Variants in QSER1 observed in about 807,000 individuals in gnomAD.
QSER1 encodes the protein glutamine and serine-rich protein 1.
A neutral mutation model predicts 158.5 loss-of-function variants in QSER1; 49 were observed. The ratio of observed to expected loss-of-function variants is 0.31; its 90% CI spans 0.25 to 0.39. QSER1 has a LOEUF of 0.39. QSER1 is among the 10% of genes least tolerant of loss of function. The pLI, the probability that QSER1 is intolerant of heterozygous loss-of-function variation, is 1.00. For synonymous variants in QSER1, 650 were observed against 715.5 expected (o/e 0.91, Z 1.46); for missense variants, 1,754 against 2,010.3 (o/e 0.87, Z 2.44).
At chr11:32,912,782 G>A (rs576073688) in intron 1 of QSER1, among the ~76,000 whole-genome samples, 6 of 152,120 alleles carry the variant, frequency 3.9e-5, no homozygotes, top group African/African-American at 1.2e-4. Context: ...ACATGGTGTC[G>A]CACGTCTTTG....
chr11:32,919,435 C>G (rs1028410000), intron 1 of QSER1, among the ~76,000 whole-genome samples: 8 of 152,180 alleles, frequency 5.3e-5, no homozygotes, highest in Admixed American at 5.2e-4. Flanking sequence ...GGATACCCCT[C>G]TTTTGGAATT....
chr11:32,920,159 G>T (rs1362390358), intron 1 of QSER1, among the ~76,000 whole-genome samples: 1 of 152,068 alleles, frequency 6.6e-6, no homozygotes, highest in Non-Finnish European at 1.5e-5. Flanking sequence ...ATTGCTTCTG[G>T]GCTCTGTCCG....
Position 32,978,379 on chromosome 11 carries a change from GT to G in QSER1, c.*1908del, listed in dbSNP as rs1853013115. 6.6e-6 allele frequency: 1 copy of G among 152,168 alleles called. No homozygotes were observed. Among genetic ancestry groups the G allele is most frequent in the South Asian group, 2.1e-4 (1 of 4,830 alleles). 9.4% of individuals were successfully genotyped at this position (152,168 alleles called of 1,614,324 possible). ...ACTCTGGACAGAATTGATGTCTTTC[GT>G]TTCCAAAGTGCAGAGTAGGGAACTA... On this transcript the variant is annotated 3_prime_UTR_variant, in exon 13 of 13. Transcript: ENST00000650167.
At chr11:32,941,158 G>A (rs1852224660) in intron 4 of QSER1, among the ~76,000 whole-genome samples, 2 of 151,372 alleles carry the variant, frequency 1.3e-5, no homozygotes, top group South Asian at 2.1e-4. Context: ...TTTTAGCCCA[G>A]GATTTATGAA....
chr11:32,927,917 A>ATTTT, intron 2 of QSER1, 45 bp from the exon 3 acceptor site: 4 of 395,514 alleles, frequency 1.0e-5, no homozygotes, highest in Admixed American at 4.3e-5. Context: ...ATACAAGTAA[A>ATTTT]TTTTTTTTTT....
At chr11:32,938,642 A>C (rs1442926642) in intron 4 of QSER1, among the ~76,000 whole-genome samples, 1 of 152,208 alleles carries the variant, frequency 6.6e-6, no homozygotes, top group East Asian at 1.9e-4. Context: ...TGCTGTAGCC[A>C]TTCTGAGCAT....
chr11:32,964,884 C>A (rs556116354), intron 8 of QSER1, among the ~76,000 whole-genome samples: 57 of 150,698 alleles, frequency 3.8e-4, no homozygotes, highest in Non-Finnish European at 7.2e-4. Context: ...TACAAAAAGT[C>A]AAAATTGAAA....
chr11:32,902,559 C>T (rs919118736), intron 1 of QSER1, among the ~76,000 whole-genome samples: 15 of 152,212 alleles, frequency 9.9e-5, no homozygotes, highest in African/African-American at 3.6e-4. Flanking sequence ...TAAAGTCCCA[C>T]CAGGTTTCCT....
chr11:32,905,792 GCTGCCTTT>G (rs1321357596), intron 1 of QSER1, among the ~76,000 whole-genome samples: 10 of 151,934 alleles, frequency 6.6e-5, no homozygotes, highest in Admixed American at 2.0e-4. Context: ...GATCTACTGG[GCTGCCTTT>G]TAAGAAGGTC....
intron 4 of QSER1, among the ~76,000 whole-genome samples, chr11:32,950,395 G>A (rs191955687): frequency 6.6e-6 from 1 of 152,084 alleles, no homozygotes; most frequent in Admixed American, 6.5e-5. Flanking sequence ...TGCCTGGCCT[G>A]GCTTTCCCAT....
chr11:32,957,373 T>G (rs1490377999), intron 7 of QSER1, among the ~76,000 whole-genome samples: 1 of 151,926 alleles, frequency 6.6e-6, no homozygotes, highest in Non-Finnish European at 1.5e-5. Context: ...ACTCCTGACC[T>G]CAAGTGATCC....
intron 1 of QSER1, among the ~76,000 whole-genome samples, chr11:32,908,858 A>G (rs1201977198): frequency 6.6e-6 from 1 of 152,118 alleles, no homozygotes; most frequent in Non-Finnish European, 1.5e-5. Context: ...ACCATTTTGT[A>G]TTCCTATCAG....
intron 3 of QSER1, 30 bp downstream of exon 3, chr11:32,928,153 C>A: frequency 7.2e-7 from 1 of 1,388,672 alleles, no homozygotes; most frequent in Non-Finnish European, 1.0e-6. Flanking sequence ...ATTTTTAAGT[C>A]CTATAAAAAT....
At chr11:32,896,832 T>A (rs964329326) in intron 1 of QSER1, among the ~76,000 whole-genome samples, 2 of 152,228 alleles carry the variant, frequency 1.3e-5, no homozygotes, top group African/African-American at 4.8e-5. Flanking sequence ...TTCTAAAACC[T>A]GTCAGTTTCT....
intron 1 of QSER1, among the ~76,000 whole-genome samples, chr11:32,905,302 T>C (rs1403497969): frequency 6.6e-6 from 1 of 152,268 alleles, no homozygotes; most frequent in African/African-American, 2.4e-5. Flanking sequence ...TAAAATACTT[T>C]TGCTTGGATC....
intron 1 of QSER1, among the ~76,000 whole-genome samples, chr11:32,916,093 G>T (rs549824470): frequency 1.3e-5 from 2 of 152,102 alleles, no homozygotes; most frequent in African/African-American, 4.8e-5. Flanking sequence ...TAGAGACAGG[G>T]TTTCTCTATG....
At chr11:32,956,653 C>T (rs886684695) in intron 7 of QSER1, among the ~76,000 whole-genome samples, 2 of 152,084 alleles carry the variant, frequency 1.3e-5, no homozygotes, top group African/African-American at 4.8e-5. Flanking sequence ...CAGGTATGAC[C>T]GTAGATGTTC....
In QSER1 at chr11:32,934,321, G is replaced by C. The variant is rs1478593415; in HGVS notation, c.3063G>C (p.Gln1021His). The C allele has an allele frequency of 6.2e-7, 1 of 1,613,980 alleles. No individual in the cohort carries two copies. Among genetic ancestry groups the C allele is most frequent in the African/African-American group, 1.3e-5 (1 of 75,030 alleles). ...GTGATTCTAAATCTCATTTTCAGCA[G>C]TCATTAGATGTCAGGCATGTGACTT... ...EDGDSKSHFQ[Q>H]SLDVRHVTSD... Residue 1021 changes from glutamine to histidine, a missense_variant, in exon 4 of 13, where the codon CAG becomes CAC. Physicochemically the swap from Gln to His is conservative, Grantham distance 24 (BLOSUM62 0). Transcript: ENST00000650167.
intron 5 of QSER1, among the ~76,000 whole-genome samples, chr11:32,954,673 T>C (rs1445529641): frequency 1.3e-5 from 2 of 152,192 alleles, no homozygotes; most frequent in African/African-American, 4.8e-5. Context: ...CTTGCTTTGC[T>C]TTTTTGCCTT....
Sources: allele counts gnomAD v4.1 joint callset (sites outside exome capture counted in the v4.1 genomes callset), GRCh38; gene constraint gnomAD v4.1.1; transcripts MANE v1.5; gene names NCBI Gene and HGNC (gene_info 2026-07-23, HGNC 2026-07-21).